Variants in MARCHF8 observed in about 807,000 individuals in gnomAD.
MARCHF8 encodes the protein membrane associated ring-CH-type finger 8, also known as E3 ubiquitin-protein ligase MARCHF8.
Under a neutral mutation model 51.6 loss-of-function variants are expected in MARCHF8, and 40 were observed. That is an observed-to-expected ratio of 0.77 (90% CI 0.60 to 1.01). The LOEUF (loss-of-function observed/expected upper bound fraction) is 1.01. MARCHF8 is among the 50% of genes least tolerant of loss of function. The pLI, the probability that MARCHF8 is intolerant of heterozygous loss-of-function variation, is 0.00. For synonymous variants in MARCHF8, 263 were observed against 280.3 expected (o/e 0.94, Z 0.62); for missense variants, 685 against 708.6 (o/e 0.97, Z 0.38).
At chr10:45,505,172 A>G (rs1211163051) in intron 2 of MARCHF8, among the ~76,000 whole-genome samples, 2 of 152,142 alleles carry the variant, frequency 1.3e-5, no homozygotes, top group Non-Finnish European at 2.9e-5. Flanking sequence ...GGCTCCCTCC[A>G]TGGCTCAGTT....
intron 3 of MARCHF8, among the ~76,000 whole-genome samples, chr10:45,482,491 C>T (rs1419663389): frequency 6.6e-6 from 1 of 152,172 alleles, no homozygotes; most frequent in Non-Finnish European, 1.5e-5. Flanking sequence ...TGGTGGCTCA[C>T]ACCTGTAATC....
chr10:45,540,438 C>T (rs902722871), intron 1 of MARCHF8, among the ~76,000 whole-genome samples: 2 of 152,030 alleles, frequency 1.3e-5, no homozygotes, highest in African/African-American at 2.4e-5. Flanking sequence ...TAAAGACTTA[C>T]ATGTTAGACC....
At chr10:45,509,295 T>C (rs1037749394) in intron 2 of MARCHF8, among the ~76,000 whole-genome samples, 7 of 152,240 alleles carry the variant, frequency 4.6e-5, no homozygotes, top group African/African-American at 7.2e-5. Context: ...TGGAATATTG[T>C]TGATGCTGTT....
intron 1 of MARCHF8, among the ~76,000 whole-genome samples, chr10:45,586,345 CATA>C (rs1468838165): frequency 2.0e-5 from 3 of 152,120 alleles, no homozygotes; most frequent in African/African-American, 7.2e-5. Context: ...TTTTGCTCAG[CATA>C]ATGTTTTTAA....
chr10:45,489,077 T>A (rs956972302), intron 3 of MARCHF8, among the ~76,000 whole-genome samples: 1 of 152,158 alleles, frequency 6.6e-6, no homozygotes, highest in African/African-American at 2.4e-5. Context: ...TATTCCTAAT[T>A]GTGGCAACAG....
intron 1 of MARCHF8, among the ~76,000 whole-genome samples, chr10:45,580,951 G>A (rs1169259050): frequency 6.6e-6 from 1 of 152,062 alleles, no homozygotes; most frequent in Non-Finnish European, 1.5e-5. Context: ...ATTCCCCACT[G>A]ATTCCACCTT....
Position 45,533,770 on chromosome 10 carries a change from T to C in MARCHF8, c.-78-481A>G, listed in dbSNP as rs536697459. 5.9e-5 allele frequency among the ~76,000 whole-genome samples: 9 copies of C among 152,258 alleles called. No individual in the cohort carries two copies. The South Asian group carries it at 1.9e-3, about 32-fold the overall frequency. ...TACTTAACCTTCCAAAAGTAGAGAC[T>C]CTACACGAGCTGTTGGCAAACTATT... On this transcript the variant is annotated intron_variant, in intron 1 of 7. Coordinates refer to ENST00000453424, the MANE Select transcript of MARCHF8 (RefSeq NM_001282866.2).
exon 1 of MARCHF8, chr10:45,594,902 C>A (rs1188464438): frequency 1.3e-5 from 2 of 152,204 alleles, no homozygotes; most frequent in East Asian, 1.9e-4. Flanking sequence ...CGGGAGGACA[C>A]CGAGTGGCAG....
intron 2 of MARCHF8, among the ~76,000 whole-genome samples, chr10:45,522,165 AATT>A (rs1226219137): frequency 6.6e-6 from 1 of 152,230 alleles, no homozygotes; most frequent in African/African-American, 2.4e-5. Context: ...TCTGCATATT[AATT>A]TAATAAAATA....
At chr10:45,560,836 C>T (rs2044302372) in intron 1 of MARCHF8, among the ~76,000 whole-genome samples, 2 of 152,196 alleles carry the variant, frequency 1.3e-5, no homozygotes, top group Admixed American at 1.3e-4. Context: ...CTCCAGTTTC[C>T]TTGTGATCTG....
At chr10:45,576,651 C>T (rs1426687607) in intron 1 of MARCHF8, among the ~76,000 whole-genome samples, 1 of 151,826 alleles carries the variant, frequency 6.6e-6, no homozygotes, top group African/African-American at 2.4e-5. Context: ...CCCTGGTGTC[C>T]TGGCTCAAGC....
intron 1 of MARCHF8, among the ~76,000 whole-genome samples, chr10:45,546,680 C>A (rs939136851): frequency 4.0e-5 from 6 of 150,942 alleles, no homozygotes; most frequent in Non-Finnish European, 8.8e-5. Context: ...GCTACTTGGT[C>A]GACAGATGGG....
chr10:45,482,456 T>C (rs563153045), intron 3 of MARCHF8, among the ~76,000 whole-genome samples: 73 of 152,248 alleles, frequency 4.8e-4, no homozygotes, highest in Middle Eastern at 3.4e-3. Flanking sequence ...ATGGTGTTGT[T>C]ATAAAAACAG....
At chr10:45,490,082 CTTT>C (rs999906043) in intron 2 of MARCHF8, among the ~76,000 whole-genome samples, 20 of 152,282 alleles carry the variant, frequency 1.3e-4, no homozygotes, top group Non-Finnish European at 2.1e-4. Flanking sequence ...ATTGACAATG[CTTT>C]AGTTTAGATT....
chr10:45,546,469 T>C (rs2044124171), intron 1 of MARCHF8, among the ~76,000 whole-genome samples: 1 of 152,042 alleles, frequency 6.6e-6, no homozygotes, highest in Non-Finnish European at 1.5e-5. Flanking sequence ...GGTCATGAGC[T>C]GAAATTTTTT....
At chr10:45,593,777 T>C (rs921707766) in intron 1 of MARCHF8, among the ~76,000 whole-genome samples, 3 of 152,242 alleles carry the variant, frequency 2.0e-5, no homozygotes, top group African/African-American at 7.2e-5. Context: ...AGGGTTATGC[T>C]AGCTGTCTAA....
At chr10:45,564,875 A>C (rs1397039261) in intron 1 of MARCHF8, among the ~76,000 whole-genome samples, 1 of 151,880 alleles carries the variant, frequency 6.6e-6, no homozygotes, top group Non-Finnish European at 1.5e-5. Context: ...AGAACTCCAC[A>C]TGCAGCAAAA....
At chr10:45,471,348 A>G (rs2042685418) in intron 3 of MARCHF8, among the ~76,000 whole-genome samples, 1 of 152,220 alleles carries the variant, frequency 6.6e-6, no homozygotes, top group African/African-American at 2.4e-5. Flanking sequence ...GTCTTCCTCC[A>G]TGCTGCAGCT....
intron 1 of MARCHF8, among the ~76,000 whole-genome samples, chr10:45,554,479 A>T (rs1373926000): frequency 6.6e-6 from 1 of 152,226 alleles, no homozygotes; most frequent in Admixed American, 6.5e-5. Context: ...AGGGCTGGTT[A>T]AAGAAAGGGA....
Sources: gnomAD v4.1 joint callset for allele counts (sites outside exome capture counted in the v4.1 genomes callset) on GRCh38, gnomAD v4.1.1 for gene constraint, MANE v1.5 for transcripts, NCBI Gene and HGNC (gene_info 2026-07-23, HGNC 2026-07-21) for gene names.